PLA2G4E: variants seen among roughly 807,000 people sequenced by gnomAD.
PLA2G4E encodes the protein phospholipase A2 group IVE, also known as cytosolic phospholipase A2 epsilon.
Under a neutral mutation model 109.1 loss-of-function variants are expected in PLA2G4E, and 84 were observed. The observed-to-expected ratio is 0.77, with a 90% CI of 0.65 to 0.92. The LOEUF (loss-of-function observed/expected upper bound fraction) is 0.92, where lower values mean the gene tolerates loss of function less well. Among genes scored for constraint, PLA2G4E ranks in the 40% least tolerant of loss-of-function variants. The pLI is 0.00. For synonymous variants in PLA2G4E, 469 were observed against 436.1 expected (o/e 1.08, Z -0.94); for missense variants, 1,057 against 1,076.6 (o/e 0.98, Z 0.25).
intron 1 of PLA2G4E, among the ~76,000 whole-genome samples, chr15:42,031,342 T>G (rs1047708442): frequency 2.2e-4 from 34 of 152,214 alleles, no homozygotes; most frequent in African/African-American, 7.5e-4. Flanking sequence ...GGTTTCTGCA[T>G]AAATATACAT....
intron 1 of PLA2G4E, among the ~76,000 whole-genome samples, chr15:42,017,404 C>T (rs2141061265): frequency 6.6e-6 from 1 of 152,356 alleles, no homozygotes; most frequent in Non-Finnish European, 1.5e-5. Context: ...ACAATAACAG[C>T]TAGCATCTGC....
rs916677738 is a variant in PLA2G4E at position 41,986,113 on chromosome 15, C to A, written c.2036-108G>T. On this transcript the variant is annotated intron_variant, in intron 17 of 19. Coordinates refer to ENST00000399518, the Ensembl canonical transcript of PLA2G4E. ...CTGTCTGGAGCATCCTTCGCCTCAG[C>A]CTGACCAGGACGCCCACTGAGTTCC... 5.8e-6 allele frequency: 7 copies of A among 1,208,608 alleles called. No individual in the cohort carries two copies. In the African/African-American group the frequency reaches 9.1e-5, roughly 16 times the overall value. The allele number at this position is 1,208,608 out of a possible 1,614,324, so 74.9% of individuals were successfully genotyped here. A position where few individuals can be genotyped will look rare whatever the true frequency, so the allele number is the denominator to read the frequency against.
intron 5 of PLA2G4E, among the ~76,000 whole-genome samples, chr15:42,003,368 C>A (rs1336070067): frequency 1.3e-5 from 2 of 152,218 alleles, no homozygotes; most frequent in Admixed American, 1.3e-4. Flanking sequence ...AAGTGATTCT[C>A]CTGCCTCAGC....
intron 16 of PLA2G4E, among the ~76,000 whole-genome samples, 195 bp from the exon 17 acceptor site, chr15:41,987,570 G>A (rs1052101596): frequency 3.3e-5 from 5 of 152,148 alleles, no homozygotes; most frequent in Non-Finnish European, 7.4e-5. Context: ...TAAGCAGAGA[G>A]GTAGTAGAGA....
At chr15:41,989,589 G>T in intron 14 of PLA2G4E, 37 bp from the exon 15 acceptor site, 1 of 1,594,174 alleles carries the variant, frequency 6.3e-7, no homozygotes, top group Non-Finnish European at 8.6e-7. Flanking sequence ...TCAGTCTCAG[G>T]CCAGGGAGCC....
At chr15:42,023,898 T>C (rs2068670372) in intron 1 of PLA2G4E, among the ~76,000 whole-genome samples, 1 of 152,184 alleles carries the variant, frequency 6.6e-6, no homozygotes, top group African/African-American at 2.4e-5. Flanking sequence ...GGTGGAAGTT[T>C]CTTCCCCCAC....
At chr15:42,042,028 A>T in intron 1 of PLA2G4E, among the ~76,000 whole-genome samples, 1 of 151,974 alleles carries the variant, frequency 6.6e-6, no homozygotes, top group South Asian at 2.1e-4. Context: ...CAAGGAGTGG[A>T]GAGGAATCAT....
At chr15:42,042,551 C>A (rs1202780294) in intron 1 of PLA2G4E, among the ~76,000 whole-genome samples, 2 of 152,126 alleles carry the variant, frequency 1.3e-5, no homozygotes, top group South Asian at 4.1e-4. Flanking sequence ...TATTTCATGC[C>A]TACCATGTCC....
intron 13 of PLA2G4E, among the ~76,000 whole-genome samples, chr15:41,991,176 C>T (rs567019288): frequency 6.6e-6 from 1 of 152,228 alleles, no homozygotes; most frequent in East Asian, 1.9e-4. Flanking sequence ...GGGAAAGGGG[C>T]TCCTGTCCTG....
exon 1 of PLA2G4E, chr15:42,050,662 A>T: frequency 6.4e-7 from 1 of 1,550,562 alleles, no homozygotes; most frequent in Non-Finnish European, 8.7e-7. Context: ...CAAACACATT[A>T]GTTCCCAGGC....
At chr15:42,038,492 C>T (rs759184468) in intron 1 of PLA2G4E, among the ~76,000 whole-genome samples, 25 of 152,202 alleles carry the variant, frequency 1.6e-4, no homozygotes, top group Non-Finnish European at 3.2e-4. Flanking sequence ...TCACAAGGAG[C>T]GTGCAACCTA....
chr15:42,012,967 A>G (rs28438695), intron 2 of PLA2G4E, among the ~76,000 whole-genome samples: 48,136 of 152,022 alleles, frequency 0.32, 8,418 homozygotes, highest in African/African-American at 0.47. Flanking sequence ...AGGGGCTTTC[A>G]GTTCTCCTGA....
At chr15:42,006,055 G>T (rs1293359239) in exon 4 of PLA2G4E, 2 of 1,613,788 alleles carry the variant, frequency 1.2e-6, no homozygotes, top group South Asian at 1.1e-5. Context: ...AGGTCATAGA[G>T]AACTGTCAGG....
rs1393703826 is a variant in PLA2G4E at position 41,995,341 on chromosome 15, G to T, written c.1247+19C>A. 3 of 1,607,676 alleles carry T rather than the reference G, an allele frequency of 1.9e-6. No individual in the cohort carries two copies. Among genetic ancestry groups the T allele is most frequent in the Non-Finnish European group, 2.6e-6 (3 of 1,174,872 alleles). ...TGGCTTGCCCTGGGCTCCACAGACAGTGGCTCATGTCTCCTTACCAGGTGG... is the reference window on the plus strand; with the variant it reads ...TGGCTTGCCCTGGGCTCCACAGACATTGGCTCATGTCTCCTTACCAGGTGG... On this transcript the variant is annotated intron_variant, in intron 12 of 19. Coordinates refer to ENST00000399518, the Ensembl canonical transcript of PLA2G4E.
At chr15:42,036,748 G>A (rs1169140666) in intron 1 of PLA2G4E, among the ~76,000 whole-genome samples, 1 of 152,160 alleles carries the variant, frequency 6.6e-6, no homozygotes, top group African/African-American at 2.4e-5. Flanking sequence ...AGGAGGGGCG[G>A]ATGGAGCTGC....
intron 1 of PLA2G4E, among the ~76,000 whole-genome samples, chr15:42,032,817 C>A (rs747820233): frequency 6.6e-6 from 1 of 152,112 alleles, no homozygotes; most frequent in Admixed American, 6.5e-5. Context: ...AGGAACACAG[C>A]CAGGAAAGAG....
chr15:41,985,310 C>T (rs187839680), intron 18 of PLA2G4E, among the ~76,000 whole-genome samples: 45 of 152,294 alleles, frequency 3.0e-4, no homozygotes, highest in Admixed American at 6.5e-4. Flanking sequence ...TTCACTTCGC[C>T]TGGCTTCAGG....
intron 1 of PLA2G4E, among the ~76,000 whole-genome samples, chr15:42,048,430 A>G (rs527931031): frequency 1.3e-5 from 2 of 152,344 alleles, no homozygotes; most frequent in African/African-American, 4.8e-5. Flanking sequence ...ATTTTTAGAA[A>G]TTACTTTACA....
intron 8 of PLA2G4E, 43 bp from the exon 9 acceptor site, chr15:42,000,043 C>T (rs1226157192): frequency 1.3e-6 from 2 of 1,580,454 alleles, no homozygotes; most frequent in Non-Finnish European, 1.7e-6. Flanking sequence ...TGGGGAGCTC[C>T]TCTGGCACCC....
Sources: allele counts gnomAD v4.1 joint callset (sites outside exome capture counted in the v4.1 genomes callset), GRCh38; gene constraint gnomAD v4.1.1; transcripts MANE v1.5; gene names NCBI Gene and HGNC (gene_info 2026-07-23, HGNC 2026-07-21).